Variants in SMARCA2 observed in about 807,000 individuals in gnomAD.
SMARCA2 encodes the protein SWI/SNF-related matrix-associated actin-dependent regulator of chromatin subfamily A member 2.
SMARCA2 carries 61 observed loss-of-function variants against 199.8 expected under a neutral mutation model. The ratio of observed to expected loss-of-function variants is 0.31; its 90% confidence interval spans 0.25 to 0.38. SMARCA2 has a LOEUF of 0.38. Among genes scored for constraint, SMARCA2 ranks in the 10% least tolerant of loss-of-function variants. The pLI is 1.00. For synonymous variants in SMARCA2, 935 were observed against 732.0 expected (o/e 1.28, Z -4.48); for missense variants, 1,344 against 2,012.2 (o/e 0.67, Z 6.35).
At chr9:2,058,145 C>T (rs752763683) in intron 7 of SMARCA2, 146 bp from the exon 8 acceptor site, 3 of 697,578 alleles carry the variant, frequency 4.3e-6, no homozygotes, top group East Asian at 2.5e-5. Flanking sequence ...ACTGCAGAGA[C>T]ACCAGGGCAC....
chr9:2,073,380 C>T, intron 11 of SMARCA2, 38 bp downstream of exon 11: 7 of 1,611,034 alleles, frequency 4.3e-6, no homozygotes, highest in Non-Finnish European at 5.9e-6. Context: ...GTTCTTTTAG[C>T]TTTTTAGATT....
At chr9:2,052,249 G>C (rs75729973) in intron 5 of SMARCA2, among the ~76,000 whole-genome samples, 1 of 152,338 alleles carries the variant, frequency 6.6e-6, no homozygotes, top group South Asian at 2.1e-4. Context: ...CGATGCCTGC[G>C]GATCACCTGA....
chr9:2,148,697 C>A (rs1824890454), intron 27 of SMARCA2, among the ~76,000 whole-genome samples: 1 of 151,308 alleles, frequency 6.6e-6, no homozygotes, highest in African/African-American at 2.4e-5. Flanking sequence ...TTTGTAGAGA[C>A]AGAGTTTTGC....
At chr9:2,108,964 C>T (rs1463525676) in intron 23 of SMARCA2, among the ~76,000 whole-genome samples, 1 of 152,144 alleles carries the variant, frequency 6.6e-6, no homozygotes, top group Non-Finnish European at 1.5e-5. Flanking sequence ...ATGAGAGCCC[C>T]CAGACCCCTC....
At chr9:2,054,044 G>T (rs1820240549) in intron 5 of SMARCA2, among the ~76,000 whole-genome samples, 1 of 152,156 alleles carries the variant, frequency 6.6e-6, no homozygotes, top group South Asian at 2.1e-4. Flanking sequence ...GGTTGTGGCT[G>T]GCAGAGCGCT....
intron 19 of SMARCA2, among the ~76,000 whole-genome samples, chr9:2,096,156 C>T (rs1340689414): frequency 2.0e-5 from 3 of 152,106 alleles, no homozygotes; most frequent in Non-Finnish European, 4.4e-5. Context: ...ATGGTAGTCA[C>T]CCTAGGGATG....
rs563359861 is a variant in SMARCA2, at chr9:2,192,804, T to C, written c.*65T>C. ...CCTCCCCTGTCTCATTTCTACCCAG[T>C]GAGTTCATTTGTCATATAGGCACTG... On this transcript the variant is annotated 3_prime_UTR_variant, in exon 34 of 34. Transcript: ENST00000349721. The C allele has an allele frequency of 8.5e-7, 1 of 1,182,066 alleles. No homozygotes were observed. The highest frequency in any genetic ancestry group is 2.3e-5 in the East Asian group (1 of 42,894). The allele number at this position is 1,182,066 out of a possible 1,614,324, so 73.2% of individuals were successfully genotyped here.
At chr9:2,165,774 C>A (rs1342272464) in intron 28 of SMARCA2, among the ~76,000 whole-genome samples, 1 of 152,162 alleles carries the variant, frequency 6.6e-6, no homozygotes, top group Non-Finnish European at 1.5e-5. Flanking sequence ...AGAGTAGAGT[C>A]TGTGGAGCTA....
chr9:2,059,798 G>C (rs1421140279), intron 8 of SMARCA2, among the ~76,000 whole-genome samples: 1 of 152,034 alleles, frequency 6.6e-6, no homozygotes, highest in Non-Finnish European at 1.5e-5. Flanking sequence ...TGACACCCCT[G>C]GACAAAAGAT....
intron 2 of SMARCA2, among the ~76,000 whole-genome samples, chr9:2,030,730 T>A (rs1586625276): frequency 6.6e-6 from 1 of 152,058 alleles, no homozygotes; most frequent in East Asian, 1.9e-4. Context: ...CCCAGTCAAG[T>A]TGACACATAA....
chr9:2,180,224 C>G (rs1470382864), intron 29 of SMARCA2, among the ~76,000 whole-genome samples: 2 of 151,900 alleles, frequency 1.3e-5, no homozygotes, highest in African/African-American at 2.4e-5. Flanking sequence ...CTCATGAGGC[C>G]CATATGTGCA....
chr9:2,116,365 A>G (rs1322083592), intron 25 of SMARCA2, among the ~76,000 whole-genome samples: 1 of 152,176 alleles, frequency 6.6e-6, no homozygotes, highest in African/African-American at 2.4e-5. Context: ...TGCAGAGGAT[A>G]CTTTAGGGAC....
chr9:2,106,369 A>G (rs1822754958), intron 23 of SMARCA2, among the ~76,000 whole-genome samples: 1 of 152,224 alleles, frequency 6.6e-6, no homozygotes. Context: ...ACCATGCACT[A>G]GAGATACAGG....
rs1009025536 is a variant in SMARCA2, at chr9:2,023,215, T to A, written c.-36-5772T>A. ...GGGGGACTAATTAGCTGCTGCCGAG[T>A]TTGTTGTTATCTTTTGTTGTGCACA... On this transcript the variant is annotated intron_variant, in intron 1 of 33. Transcript: ENST00000349721. Among the ~76,000 whole-genome samples the A allele has an allele frequency of 2.6e-5, 4 of 152,168 alleles. No homozygotes were observed. The South Asian group carries it at 6.2e-4, about 24-fold the overall frequency.
rs116556171 is a variant in SMARCA2 at position 2,118,300 on chromosome 9, A to G, written c.3685-1158A>G. 4.5e-3 allele frequency among the ~76,000 whole-genome samples: 693 copies of G among 152,354 alleles called. 6 individuals carry two copies. The highest frequency in any genetic ancestry group is 0.015 in the African/African-American group (621 of 41,586). On this transcript the variant is annotated intron_variant, in intron 25 of 33. Transcript: ENST00000349721. ...TTAATCAATCTGGAGGCAAACTAGA[A>G]TAGAAGGTTTTTCAGAAATAATTAT...
chr9:2,152,430 C>T (rs1227978369), intron 27 of SMARCA2, among the ~76,000 whole-genome samples: 2 of 151,930 alleles, frequency 1.3e-5, no homozygotes, highest in African/African-American at 4.8e-5. Flanking sequence ...GCTCATGGCT[C>T]ATGCCTGTAA....
At chr9:2,163,133 G>C (rs967183937) in intron 28 of SMARCA2, among the ~76,000 whole-genome samples, 2 of 152,168 alleles carry the variant, frequency 1.3e-5, no homozygotes, top group Admixed American at 1.3e-4. Flanking sequence ...TTCCACCATG[G>C]GGTTTTGCTG....
In SMARCA2 at chr9:2,182,206, T is replaced by G. The variant is rs777200742; in HGVS notation, c.4425T>G (p.Cys1475Trp). The change falls in exon 31 of 34, where the codon TGT (cysteine) becomes TGG (tryptophan). Residue 1475 changes from cysteine (C) to tryptophan (W), a missense_variant. Cys to Trp is a radical substitution (Grantham distance 215). Around this residue, in one of 18 missense-constraint regions of SMARCA2, gnomAD observed 151 missense variants for 154.0 expected, o/e 0.98. Coordinates refer to ENST00000349721, the MANE Select transcript of SMARCA2 (RefSeq NM_003070.5). ...TGGAGAAGGATGTCATGCTTCTCTG[T>G]CACAACGCTCAGACGTTCAACCTGG... ...GDLEKDVMLL[C>W]HNAQTFNLEG... 1 of 1,613,656 alleles carries G rather than the reference T, an allele frequency of 6.2e-7. No homozygotes were observed. The highest frequency in any genetic ancestry group is 8.5e-7 in the Non-Finnish European group (1 of 1,179,546).
intron 12 of SMARCA2, among the ~76,000 whole-genome samples, chr9:2,074,544 A>G (rs1821236946): frequency 6.6e-6 from 1 of 152,188 alleles, no homozygotes; most frequent in Admixed American, 6.5e-5. Flanking sequence ...GAATAATAAA[A>G]GTTACATTAC....
Sources: allele counts gnomAD v4.1 joint callset (sites outside exome capture counted in the v4.1 genomes callset), GRCh38; gene constraint gnomAD v4.1.1; regional missense constraint gnomAD v4.1.1; transcripts MANE v1.5; gene names NCBI Gene and HGNC (gene_info 2026-07-23, HGNC 2026-07-21).